Variants in CLEC19A observed in about 807,000 individuals in gnomAD.
CLEC19A encodes C-type lectin domain containing 19A, also known as C-type lectin domain family 19 member A.
Under a neutral mutation model 26.1 loss-of-function variants are expected in CLEC19A, and 21 were observed. That is an observed-to-expected ratio of 0.80 (90% confidence interval 0.57 to 1.16). The LOEUF is 1.16. Ranked by LOEUF, CLEC19A falls within the 50% of genes most tolerant of loss-of-function variation. The pLI is 0.00. For synonymous variants in CLEC19A, 89 were observed against 88.6 expected (o/e 1.00, Z -0.03); for missense variants, 224 against 227.6 (o/e 0.98, Z 0.10).
At chr16:19,290,070 G>A (rs1169126696) in intron 1 of CLEC19A, among the ~76,000 whole-genome samples, 1 of 152,132 alleles carries the variant, frequency 6.6e-6, no homozygotes, top group Non-Finnish European at 1.5e-5. Flanking sequence ...GGCTGGATTG[G>A]GGCCAGGGGA....
chr16:19,308,070 A>G (rs1017926533), intron 4 of CLEC19A, among the ~76,000 whole-genome samples: 6 of 152,224 alleles, frequency 3.9e-5, no homozygotes, highest in African/African-American at 1.4e-4. Context: ...GTGTGGTGGC[A>G]TGAGGGTGTG....
At position 19,309,658 on chromosome 16, in the gene CLEC19A, C is replaced by T. The variant is rs1212049592; in HGVS notation, c.*575C>T. 1 of 152,490 alleles carries T rather than the reference C, an allele frequency of 6.6e-6. No individual in the cohort carries two copies. Among genetic ancestry groups the T allele is most frequent in the African/African-American group, 2.4e-5 (1 of 41,372 alleles). The allele number at this position is 152,490 out of a possible 1,614,324, so 9.4% of individuals were successfully genotyped here. ...TTTTTTTTTTTGAGACAGAGTCTCA[C>T]TCTGTTGCCCAGGCTGAAGTGCAAT... On this transcript the variant is annotated 3_prime_UTR_variant, in exon 5 of 5. Coordinates refer to ENST00000636231, the MANE Select transcript of CLEC19A (RefSeq NM_001256720.2).
chr16:19,295,363 C>T (rs149967752), intron 1 of CLEC19A, among the ~76,000 whole-genome samples: 3 of 152,212 alleles, frequency 2.0e-5, no homozygotes, highest in Non-Finnish European at 4.4e-5. Context: ...CCACCACTCT[C>T]GGCTAATTTT....
In CLEC19A at chr16:19,304,248, G is replaced by A; in HGVS notation, c.348+93G>A. 3 of 1,012,626 alleles carry A rather than the reference G, an allele frequency of 3.0e-6. No individual in the cohort carries two copies. In the East Asian group the frequency reaches 7.8e-5, roughly 26 times the overall value. 62.7% of individuals were successfully genotyped at this position (1,012,626 alleles called of 1,614,324 possible). ...CTTTTCACATCAGTGCCAGGTCACG[G>A]CTATGCACACAGCATATAGAGAGAA... On this transcript the variant is annotated intron_variant, in intron 3 of 4. Coordinates refer to ENST00000636231, the MANE Select transcript of CLEC19A (RefSeq NM_001256720.2).
intron 1 of CLEC19A, among the ~76,000 whole-genome samples, chr16:19,296,145 G>A (rs1199806488): frequency 6.6e-6 from 1 of 152,204 alleles, no homozygotes; most frequent in African/African-American, 2.4e-5. Flanking sequence ...AGTTGGCCAG[G>A]ATTGATCAGG....
At chr16:19,288,086 C>T (rs564621300) in intron 1 of CLEC19A, among the ~76,000 whole-genome samples, 16 of 152,160 alleles carry the variant, frequency 1.1e-4, no homozygotes, top group Non-Finnish European at 2.4e-4. Flanking sequence ...CTCAGCCCAA[C>T]CTTTCCATAT....
intron 1 of CLEC19A, among the ~76,000 whole-genome samples, chr16:19,292,404 C>G (rs996720603): frequency 6.6e-6 from 1 of 152,134 alleles, no homozygotes; most frequent in African/African-American, 2.4e-5. Context: ...GCTTTCAGGA[C>G]TTGGTTAAAA....
intron 2 of CLEC19A, among the ~76,000 whole-genome samples, chr16:19,302,650 A>T (rs957754383): frequency 2.6e-5 from 4 of 152,156 alleles, no homozygotes; most frequent in African/African-American, 9.7e-5. Context: ...TTTCAGTGGG[A>T]TCTGTCATCT....
chr16:19,301,736 G>GTTTTTTTTTTTTTTTTTTTTTTT (rs1171248968), intron 2 of CLEC19A, among the ~76,000 whole-genome samples: 13 of 81,488 alleles, frequency 1.6e-4, no homozygotes, highest in African/African-American at 2.9e-4. Context: ...GGTTTTTTTG[G>GTTTTTTTTTTTTTTTTTTTTTTT]TTTTTTTTTT....
chr16:19,288,889 T>C (rs1311911717), intron 1 of CLEC19A, among the ~76,000 whole-genome samples: 1 of 152,166 alleles, frequency 6.6e-6, no homozygotes, highest in East Asian at 1.9e-4. Context: ...TAAGTCAGGT[T>C]ATGTAGCCTC....
At chr16:19,304,572 G>A (rs544303259) in intron 3 of CLEC19A, among the ~76,000 whole-genome samples, 230 of 152,074 alleles carry the variant, frequency 1.5e-3, no homozygotes, top group African/African-American at 5.2e-3. Flanking sequence ...GCTGTTGTGG[G>A]CTCCTGTAAT....
chr16:19,300,663 G>T (rs1897801277), intron 2 of CLEC19A, among the ~76,000 whole-genome samples: 1 of 152,180 alleles, frequency 6.6e-6, no homozygotes, highest in African/African-American at 2.4e-5. Context: ...TTTCAGTGGG[G>T]CTGAGGGATA....
Position 19,310,755 on chromosome 16 carries a change from G to A in CLEC19A, c.*1672G>A, listed in dbSNP as rs1385523821. The A allele has an allele frequency of 6.6e-6, 1 of 152,216 alleles. No homozygotes were observed. The highest frequency in any genetic ancestry group is 2.4e-5 in the African/African-American group (1 of 41,454). The allele number at this position is 152,216 out of a possible 1,614,324, so 9.4% of individuals were successfully genotyped here. On this transcript the variant is annotated 3_prime_UTR_variant, in exon 5 of 5. Coordinates refer to ENST00000636231, the MANE Select transcript of CLEC19A (RefSeq NM_001256720.2). ...AGGCAAGTCTATAGAGATGGAAAGT[G>A]GATTAGTGGTTGCCAGGGGATGTGT...
intron 1 of CLEC19A, among the ~76,000 whole-genome samples, chr16:19,294,897 A>G (rs1415539692): frequency 1.4e-5 from 2 of 147,700 alleles, no homozygotes; most frequent in African/African-American, 4.9e-5. Flanking sequence ...ACATTTTTGG[A>G]GTCCTGCCTT....
chr16:19,300,852 G>A (rs1348066121), intron 2 of CLEC19A, among the ~76,000 whole-genome samples: 1 of 152,198 alleles, frequency 6.6e-6, no homozygotes, highest in Non-Finnish European at 1.5e-5. Context: ...AGTCCTATGG[G>A]AGTTGGAGCC....
At chr16:19,307,470 C>T in intron 3 of CLEC19A, 75 bp from the exon 4 acceptor site, 1 of 1,519,032 alleles carries the variant, frequency 6.6e-7, no homozygotes, top group Non-Finnish European at 8.9e-7. Context: ...GACGTCTGAG[C>T]TGGAGCTGCC....
Position 19,304,142 on chromosome 16 carries a change from A to G in CLEC19A, c.335A>G (p.His112Arg), listed in dbSNP as rs1897896126. The G allele has an allele frequency of 6.4e-7, 1 of 1,550,620 alleles. No individual in the cohort carries two copies. The highest frequency in any genetic ancestry group is 1.4e-5 in the African/African-American group (1 of 73,166). Reference sequence around the variant, plus strand: ...CCAGCTGACGTCTGGACAGGCCTTCATGATCACAGACAGGTGAGAAAGCAG... The same window carrying G: ...CCAGCTGACGTCTGGACAGGCCTTCGTGATCACAGACAGGTGAGAAAGCAG... Reference protein sequence around the residue: ...GIPADVWTGLHDHRQEGQFEW... With the variant: ...GIPADVWTGLRDHRQEGQFEW... Residue 112 changes from histidine (H) to arginine (R), a missense_variant, in exon 3 of 5, where the codon CAT becomes CGT. Coordinates refer to ENST00000636231, the MANE Select transcript of CLEC19A (RefSeq NM_001256720.2).
intron 1 of CLEC19A, among the ~76,000 whole-genome samples, chr16:19,286,936 G>A (rs1897481818): frequency 6.6e-6 from 1 of 151,526 alleles, no homozygotes; most frequent in Non-Finnish European, 1.5e-5. Context: ...CTTAGTGTAA[G>A]CATGCCCCAA....
chr16:19,302,106 T>G (rs1159486049), intron 2 of CLEC19A, among the ~76,000 whole-genome samples: 26 of 152,114 alleles, frequency 1.7e-4, no homozygotes, highest in Admixed American at 1.7e-3. Flanking sequence ...CTCTTCCACT[T>G]TCCTTCCTCT....
Sources: gnomAD v4.1 joint callset for allele counts (sites outside exome capture counted in the v4.1 genomes callset) on GRCh38, gnomAD v4.1.1 for gene constraint, MANE v1.5 for transcripts, NCBI Gene and HGNC (gene_info 2026-07-23, HGNC 2026-07-21) for gene names.